The following TLN2 variants were observed in gnomAD, a reference collection of about 807,000 sequenced individuals.
The protein encoded by TLN2 is talin-2.
A neutral mutation model predicts 294.7 loss-of-function variants in TLN2; 118 were observed. That is an observed-to-expected ratio of 0.40 (90% CI 0.34 to 0.47). TLN2 has a LOEUF of 0.47. TLN2 is among the 20% of genes least tolerant of loss of function. The pLI is 0.84. For missense variants in TLN2, 3,083 were observed against 3,282.2 expected, an observed-to-expected ratio of 0.94 and a Z score of 1.48; for synonymous variants, 1,431 against 1,304.5, an observed-to-expected ratio of 1.10 and a Z score of -2.09.
chr15:62,476,885 C>A (rs1399912384), intron 1 of TLN2, among the ~76,000 whole-genome samples: 5 of 152,210 alleles, frequency 3.3e-5, no homozygotes, highest in Non-Finnish European at 7.3e-5. Context: ...AGATGCTTAT[C>A]TGACTACCTT....
intron 21 of TLN2, among the ~76,000 whole-genome samples, chr15:62,710,105 A>G (rs2059330824): frequency 6.6e-6 from 1 of 152,166 alleles, no homozygotes; most frequent in Admixed American, 6.5e-5. Context: ...TTTTGAAGGT[A>G]TCATAATTTA....
chr15:62,560,980 C>T (rs995629302), intron 1 of TLN2, among the ~76,000 whole-genome samples: 17 of 152,244 alleles, frequency 1.1e-4, no homozygotes, highest in African/African-American at 4.1e-4. Flanking sequence ...ATTTGCCTTT[C>T]CATTTGTACA....
chr15:62,556,817 G>A (rs2042630248), intron 1 of TLN2, among the ~76,000 whole-genome samples: 1 of 151,972 alleles, frequency 6.6e-6, no homozygotes, highest in East Asian at 1.9e-4. Context: ...ATTTTAATGG[G>A]GCACTATGTA....
chr15:62,669,781 C>T (rs2055177482), intron 9 of TLN2, among the ~76,000 whole-genome samples: 3 of 152,178 alleles, frequency 2.0e-5, no homozygotes, highest in Admixed American at 1.3e-4. Flanking sequence ...GCTGGCAGGC[C>T]TTGATGACAC....
intron 50 of TLN2, among the ~76,000 whole-genome samples, chr15:62,803,936 G>T (rs1362391672): frequency 6.6e-6 from 1 of 152,158 alleles, no homozygotes; most frequent in African/African-American, 2.4e-5. Flanking sequence ...TTCTTGGGAA[G>T]GCTTTCCAGG....
chr15:62,446,245 G>A (rs544909002), intron 1 of TLN2, among the ~76,000 whole-genome samples: 31 of 151,518 alleles, frequency 2.0e-4, no homozygotes, highest in African/African-American at 6.3e-4. Context: ...TCATCCGCCC[G>A]TCTCCCCAAA....
chr15:62,756,457 A>G (rs900202397), intron 37 of TLN2, among the ~76,000 whole-genome samples: 6 of 152,146 alleles, frequency 3.9e-5, no homozygotes, highest in African/African-American at 1.4e-4. Context: ...CCTGGACAAC[A>G]GACCGCAGGC....
intron 9 of TLN2, among the ~76,000 whole-genome samples, chr15:62,673,368 G>A (rs2055722312): frequency 9.3e-6 from 1 of 107,802 alleles, no homozygotes; most frequent in Admixed American, 1.4e-4. Context: ...TACAATAAAA[G>A]AAATAGGCAA....
intron 41 of TLN2, among the ~76,000 whole-genome samples, chr15:62,769,468 T>C (rs1553105): frequency 0.98 from 149,564 of 152,250 alleles, 73,513 homozygotes; most frequent in Middle Eastern, 1. Context: ...TTAAAATTCA[T>C]TCAAAGGCTC....
chr15:62,496,369 C>T (rs1314648414), intron 1 of TLN2, among the ~76,000 whole-genome samples: 1 of 151,832 alleles, frequency 6.6e-6, no homozygotes, highest in Non-Finnish European at 1.5e-5. Flanking sequence ...AGAAATTACA[C>T]GGAACCACAT....
At chr15:62,414,433 C>T (rs1488798526) in intron 1 of TLN2, among the ~76,000 whole-genome samples, 2 of 138,496 alleles carry the variant, frequency 1.4e-5, no homozygotes, top group Non-Finnish European at 3.1e-5. Flanking sequence ...GCAGGCTCCT[C>T]AAAGTGTAGT....
intron 1 of TLN2, among the ~76,000 whole-genome samples, chr15:62,582,641 G>GA (rs2045236686): frequency 6.6e-6 from 1 of 152,172 alleles, no homozygotes; most frequent in Non-Finnish European, 1.5e-5. Flanking sequence ...CAGAGGGCAG[G>GA]GGACATAAGG....
At chr15:62,838,317 A>C (rs758088651) in intron 57 of TLN2, among the ~76,000 whole-genome samples, 4 of 152,162 alleles carry the variant, frequency 2.6e-5, no homozygotes, top group Admixed American at 6.5e-5. Flanking sequence ...CCTGCCTTCA[A>C]GTTGCTGACT....
At chr15:62,777,371 T>C (rs904104614) in intron 43 of TLN2, among the ~76,000 whole-genome samples, 2 of 152,080 alleles carry the variant, frequency 1.3e-5, no homozygotes, top group Non-Finnish European at 2.9e-5. Flanking sequence ...ACCCTGTTTC[T>C]ACTAAAAATA....
At chr15:62,687,151 G>GCCC (rs34641480) in intron 12 of TLN2, among the ~76,000 whole-genome samples, 1 of 152,112 alleles carries the variant, frequency 6.6e-6, no homozygotes, top group Non-Finnish European at 1.5e-5. Context: ...AGACACAAAG[G>GCCC]CCCCCTCTCT....
At chr15:62,818,058 C>T (rs528952086) in intron 52 of TLN2, among the ~76,000 whole-genome samples, 1 of 152,248 alleles carries the variant, frequency 6.6e-6, no homozygotes, top group East Asian at 1.9e-4. Context: ...GATCTACCCG[C>T]CCGAGCCTCC....
chr15:62,643,216 A>G (rs1024181662), intron 3 of TLN2, among the ~76,000 whole-genome samples: 1 of 152,108 alleles, frequency 6.6e-6, no homozygotes, highest in Non-Finnish European at 1.5e-5. Flanking sequence ...CTTTAAATAT[A>G]ATGTTGTAGA....
At chr15:62,671,464 G>A (rs912476019) in intron 9 of TLN2, among the ~76,000 whole-genome samples, 1 of 152,194 alleles carries the variant, frequency 6.6e-6, no homozygotes, top group Non-Finnish European at 1.5e-5. Context: ...TGTATGGTGT[G>A]AAGTAGGGGG....
chr15:62,713,535 C>G (rs535326231), intron 22 of TLN2, among the ~76,000 whole-genome samples: 1 of 151,758 alleles, frequency 6.6e-6, no homozygotes, highest in Non-Finnish European at 1.5e-5. Context: ...AAAAATTAGC[C>G]AGGCTTGGTG....
Sources: allele counts gnomAD v4.1 joint callset (sites outside exome capture counted in the v4.1 genomes callset), GRCh38; gene constraint gnomAD v4.1.1; transcripts MANE v1.5; gene names NCBI Gene and HGNC (gene_info 2026-07-23, HGNC 2026-07-21).